Variants in STK3 observed in about 807,000 individuals in gnomAD.
STK3 encodes the protein serine/threonine kinase 3.
In STK3, 41 loss-of-function variants were observed where a neutral mutation model predicts 58.0. That is an observed-to-expected ratio of 0.71 (90% CI 0.55 to 0.92). STK3 has a LOEUF of 0.92. Among genes scored for constraint, STK3 ranks in the 40% least tolerant of loss-of-function variants. STK3 has a pLI of 0.00. For missense variants in STK3, 479 were observed against 602.7 expected (o/e 0.79, Z 2.15); for synonymous variants, 170 against 191.0 (o/e 0.89, Z 0.91).
intron 3 of STK3, among the ~76,000 whole-genome samples, chr8:98,411,413 C>A (rs970909434): frequency 3.3e-5 from 5 of 152,208 alleles, no homozygotes; most frequent in African/African-American, 1.2e-4. Context: ...CCAATAGGCC[C>A]CCTCACAACA....
intron 6 of STK3, among the ~76,000 whole-genome samples, chr8:98,693,770 T>C (rs1824603145): frequency 6.6e-6 from 1 of 152,132 alleles, no homozygotes; most frequent in Non-Finnish European, 1.5e-5. Context: ...GGAAGGTGTG[T>C]TAAGTGTGTT....
chr8:98,369,396 C>T (rs1817590821), downstream of STK3, among the ~76,000 whole-genome samples: 1 of 152,110 alleles, frequency 6.6e-6, no homozygotes, highest in African/African-American at 2.4e-5. Flanking sequence ...TCATTTAAGG[C>T]CTTGGTAGGA....
chr8:98,712,070 G>A (rs929821615), intron 4 of STK3, among the ~76,000 whole-genome samples: 1 of 152,134 alleles, frequency 6.6e-6, no homozygotes, highest in Non-Finnish European at 1.5e-5. Context: ...ATACTTTACA[G>A]ACAAGCAAAG....
At chr8:98,649,772 CT>C (rs1005497897) in intron 6 of STK3, among the ~76,000 whole-genome samples, 1 of 152,120 alleles carries the variant, frequency 6.6e-6, no homozygotes, top group Non-Finnish European at 1.5e-5. Context: ...CTGCAATTAA[CT>C]TTTAAACAAT....
intron 7 of STK3, among the ~76,000 whole-genome samples, chr8:98,594,420 C>T (rs116917293): frequency 0.017 from 2,613 of 151,814 alleles, 43 homozygotes; most frequent in South Asian, 0.025. Context: ...ATCAACATGG[C>T]GAAACTCTGT....
At chr8:98,652,615 C>A (rs564239212) in intron 6 of STK3, among the ~76,000 whole-genome samples, 2 of 143,440 alleles carry the variant, frequency 1.4e-5, no homozygotes, top group Non-Finnish European at 3.0e-5. Context: ...CACATAGGCT[C>A]AAAATAAAAG....
At chr8:98,817,025 C>G (rs1834596907) in intron 1 of STK3, among the ~76,000 whole-genome samples, 1 of 152,168 alleles carries the variant, frequency 6.6e-6, no homozygotes, top group African/African-American at 2.4e-5. Flanking sequence ...GTGTTCTGTA[C>G]TAATGTTTTA....
intron 1 of STK3, among the ~76,000 whole-genome samples, chr8:98,909,803 T>C (rs886489525): frequency 1.3e-5 from 2 of 152,280 alleles, no homozygotes; most frequent in South Asian, 2.1e-4. Flanking sequence ...ATTATGAATA[T>C]AGTTGCTATA....
At chr8:98,921,727 T>C (rs1186062843) in intron 1 of STK3, among the ~76,000 whole-genome samples, 2 of 152,184 alleles carry the variant, frequency 1.3e-5, no homozygotes, top group Non-Finnish European at 2.9e-5. Flanking sequence ...AGTCTCACTC[T>C]ATCACCCAGG....
upstream of STK3, among the ~76,000 whole-genome samples, chr8:98,828,986 C>T (rs559168211): frequency 1.4e-4 from 21 of 152,322 alleles, no homozygotes; most frequent in African/African-American, 3.8e-4. Context: ...CCTGCAGATT[C>T]ATTCTCCATC....
chr8:98,467,192 T>C (rs1180011791), intron 10 of STK3, among the ~76,000 whole-genome samples: 4 of 152,132 alleles, frequency 2.6e-5, no homozygotes, highest in African/African-American at 9.6e-5. Flanking sequence ...AATGGATCTC[T>C]GGAAGGCTCC....
chr8:98,429,467 C>G, intron 3 of STK3: 27 of 1,285,534 alleles, frequency 2.1e-5, no homozygotes, highest in African/African-American at 2.9e-5. Context: ...TCTTGTGCCT[C>G]TGGCACAGCC....
At chr8:98,430,125 A>T (rs1031134293) in intron 3 of STK3, 1 of 167,004 alleles carries the variant, frequency 6.0e-6, no homozygotes, top group Non-Finnish European at 1.5e-5. Flanking sequence ...TGAAGATCGA[A>T]TTTTTTTCCC....
At chr8:98,500,499 C>G (rs978361430) in intron 10 of STK3, among the ~76,000 whole-genome samples, 1 of 152,206 alleles carries the variant, frequency 6.6e-6, no homozygotes, top group African/African-American at 2.4e-5. Flanking sequence ...TCTCCTAATG[C>G]TATCTCTACC....
At chr8:98,406,917 G>A (rs969359872) in intron 3 of STK3, among the ~76,000 whole-genome samples, 2 of 152,158 alleles carry the variant, frequency 1.3e-5, no homozygotes, top group African/African-American at 2.4e-5. Context: ...AGGTGACAGT[G>A]TGAGGAAAAG....
downstream of STK3, among the ~76,000 whole-genome samples, chr8:98,398,518 C>T (rs759242087): frequency 9.9e-5 from 15 of 152,194 alleles, no homozygotes; most frequent in Admixed American, 2.0e-4. Flanking sequence ...CCAATTCTCC[C>T]ATCCCATGGA....
intron 6 of STK3, among the ~76,000 whole-genome samples, chr8:98,617,045 T>A (rs1354991911): frequency 6.6e-6 from 1 of 151,460 alleles, no homozygotes; most frequent in Non-Finnish European, 1.5e-5. Context: ...ATTCCAAAAT[T>A]GACCACATAG....
chr8:98,741,059 T>C (rs1056001138), intron 4 of STK3, among the ~76,000 whole-genome samples: 1 of 152,154 alleles, frequency 6.6e-6, no homozygotes, highest in Non-Finnish European at 1.5e-5. Flanking sequence ...CCTAAACATA[T>C]ATGCACCCAA....
chr8:98,601,280 C>T (rs539025407), intron 6 of STK3, among the ~76,000 whole-genome samples: 3 of 152,112 alleles, frequency 2.0e-5, no homozygotes, highest in Non-Finnish European at 4.4e-5. Flanking sequence ...TTCCAGTCTG[C>T]CCCACAACCA....
Sources: allele counts gnomAD v4.1 joint callset (sites outside exome capture counted in the v4.1 genomes callset), GRCh38; gene constraint gnomAD v4.1.1; transcripts MANE v1.5; gene names NCBI Gene and HGNC (gene_info 2026-07-23, HGNC 2026-07-21).